Variants in RABEP1 observed in about 807,000 individuals in gnomAD.
The protein encoded by RABEP1 is rab GTPase-binding effector protein 1.
A neutral mutation model predicts 123.4 loss-of-function variants in RABEP1; 51 were observed. That is an observed-to-expected ratio of 0.41 (90% CI 0.33 to 0.52). The LOEUF (loss-of-function observed/expected upper bound fraction) is 0.52. Ranked by LOEUF, RABEP1 falls within the 20% of genes least tolerant of loss-of-function variation. The pLI, the probability that RABEP1 is intolerant of heterozygous loss-of-function variation, is 0.16. For synonymous variants in RABEP1, 347 were observed against 355.2 expected (o/e 0.98, Z 0.26); for missense variants, 888 against 996.3 (o/e 0.89, Z 1.46).
intron 1 of RABEP1, among the ~76,000 whole-genome samples, chr17:5,297,720 A>G (rs1447392829): frequency 6.6e-6 from 1 of 152,220 alleles, no homozygotes; most frequent in Non-Finnish European, 1.5e-5. Context: ...CTACAAAGCT[A>G]GAAGATAGTC....
At chr17:5,282,653 G>A in intron 1 of RABEP1, 133 bp downstream of exon 1, 1 of 511,622 alleles carries the variant, frequency 2.0e-6, no homozygotes. Flanking sequence ...GGCGGAGGCG[G>A]GGGCGCGCGG....
chr17:5,372,554 C>T (rs760452309), intron 12 of RABEP1, among the ~76,000 whole-genome samples: 11 of 152,152 alleles, frequency 7.2e-5, no homozygotes, highest in South Asian at 2.1e-4. Flanking sequence ...ACAGTGATTC[C>T]GAGCCTAAAC....
At chr17:5,320,762 A>G (rs1300979779) in intron 2 of RABEP1, among the ~76,000 whole-genome samples, 3 of 152,222 alleles carry the variant, frequency 2.0e-5, no homozygotes, top group Non-Finnish European at 4.4e-5. Flanking sequence ...ACACAAAACA[A>G]AAACCTATAA....
chr17:5,291,685 A>G (rs569675738), intron 1 of RABEP1, among the ~76,000 whole-genome samples: 7 of 152,082 alleles, frequency 4.6e-5, no homozygotes, highest in Admixed American at 3.3e-4. Context: ...AGGTAGGTGG[A>G]TCACTTGGGT....
intron 9 of RABEP1, among the ~76,000 whole-genome samples, chr17:5,362,440 C>G (rs1402554888): frequency 6.6e-6 from 1 of 152,076 alleles, no homozygotes; most frequent in East Asian, 1.9e-4. Context: ...AGGAAGCCAC[C>G]GGTCAGTAAG....
At chr17:5,372,691 T>C (rs758321797) in intron 12 of RABEP1, among the ~76,000 whole-genome samples, 6 of 152,218 alleles carry the variant, frequency 3.9e-5, no homozygotes, top group African/African-American at 7.2e-5. Flanking sequence ...CTTGATGGTG[T>C]CAGCCACTTC....
rs528872574 is a variant in RABEP1 at position 5,372,399 on chromosome 17, C to T, written c.1885-915C>T. On this transcript the variant is annotated intron_variant, in intron 12 of 17. Transcript: ENST00000537505. The stretch of plus-strand genomic sequence containing the variant: ...TCGGGAGGTGGAGGTTGCAGTGAGC[C>T]GAGATCACACCACTGCATTCCAGCC... Among the ~76,000 whole-genome samples, 10 of 151,772 alleles carry T rather than the reference C, an allele frequency of 6.6e-5. 1 individual carries two copies. The highest frequency in any genetic ancestry group is 1.4e-4 in the African/African-American group (6 of 41,382).
chr17:5,362,454 A>G (rs1363606143), intron 9 of RABEP1, among the ~76,000 whole-genome samples: 1 of 152,220 alleles, frequency 6.6e-6, no homozygotes. Flanking sequence ...CAGTAAGTGG[A>G]ACAGCTTACT....
chr17:5,373,174 T>G (rs1415923773), intron 12 of RABEP1, 140 bp from the exon 13 acceptor site: 12 of 657,310 alleles, frequency 1.8e-5, no homozygotes, highest in Non-Finnish European at 2.6e-5. Context: ...TCTGTGCAGC[T>G]TTTTCTAAGT....
chr17:5,298,877 G>C lies in RABEP1; in HGVS notation c.35-9817G>C, dbSNP rs542349762. Among the ~76,000 whole-genome samples, 4 of 151,740 alleles carry C rather than the reference G, an allele frequency of 2.6e-5. No individual in the cohort carries two copies. The South Asian group carries it at 6.2e-4, about 24-fold the overall frequency. On this transcript the variant is annotated intron_variant, in intron 1 of 17. Coordinates refer to ENST00000537505, the MANE Select transcript of RABEP1 (RefSeq NM_004703.6). ...TCACCGTGTTAGCCAGGATGGTCTC[G>C]ATCTCCTGACCTCGTGATCCGCCCG...
chr17:5,358,659 A>G (rs1909234116), intron 8 of RABEP1, among the ~76,000 whole-genome samples: 1 of 150,428 alleles, frequency 6.6e-6, no homozygotes. Context: ...TGACAGAGCG[A>G]GACTGTCTCC....
chr17:5,346,618 T>A (rs1282348886), intron 5 of RABEP1, among the ~76,000 whole-genome samples, 172 bp from the exon 6 acceptor site: 2 of 152,216 alleles, frequency 1.3e-5, no homozygotes, highest in African/African-American at 2.4e-5. Context: ...TAAGTTATTT[T>A]CCCAGTTTTC....
At chr17:5,375,314 ACTT>A (rs1567553358) in intron 13 of RABEP1, among the ~76,000 whole-genome samples, 1 of 151,592 alleles carries the variant, frequency 6.6e-6, no homozygotes, top group Non-Finnish European at 1.5e-5. Context: ...CCTTTCCCCA[ACTT>A]CTTATCGTCT....
At chr17:5,347,079 C>G (rs1908125512) in intron 6 of RABEP1, among the ~76,000 whole-genome samples, 154 bp downstream of exon 6, 1 of 152,168 alleles carries the variant, frequency 6.6e-6, no homozygotes, top group Non-Finnish European at 1.5e-5. Context: ...TCATGCAAAG[C>G]TGAAATTATG....
At chr17:5,377,346 A>G in intron 14 of RABEP1, 41 bp downstream of exon 14, 1 of 1,505,930 alleles carries the variant, frequency 6.6e-7, no homozygotes, top group Non-Finnish European at 8.9e-7. Context: ...AGAGTCACTA[A>G]ATAAAACTTT....
chr17:5,333,062 G>C (rs1033935668), intron 3 of RABEP1, among the ~76,000 whole-genome samples: 1 of 152,148 alleles, frequency 6.6e-6, no homozygotes, highest in African/African-American at 2.4e-5. Context: ...ACTCCTTTTG[G>C]CACTAGTGCT....
At chr17:5,345,692 A>C (rs1908009548) in intron 5 of RABEP1, among the ~76,000 whole-genome samples, 1 of 152,190 alleles carries the variant, frequency 6.6e-6, no homozygotes, top group South Asian at 2.1e-4. Context: ...GTCAACCTTC[A>C]GTGAAGCATC....
rs1277635173 is a variant in RABEP1, at chr17:5,361,030, G to A, written c.1096-178G>A. ...ATCTTGCTCACAGTTGTATCCTGAGGGCCTGGTTTTGTGTCCAGCATGTAG... is the reference window on the plus strand; with the variant it reads ...ATCTTGCTCACAGTTGTATCCTGAGAGCCTGGTTTTGTGTCCAGCATGTAG... On this transcript the variant is annotated intron_variant, in intron 8 of 17. Coordinates refer to ENST00000537505, the MANE Select transcript of RABEP1 (RefSeq NM_004703.6). The A allele has an allele frequency of 4.8e-6, 3 of 618,924 alleles. No individual in the cohort carries two copies. In the East Asian group the frequency reaches 8.3e-5, roughly 17 times the overall value. 38.3% of individuals were successfully genotyped at this position (618,924 alleles called of 1,614,324 possible). A position where few individuals can be genotyped will look rare whatever the true frequency, so the allele number is the denominator to read the frequency against.
At position 5,338,080 on chromosome 17, in the gene RABEP1, C is replaced by T; in HGVS notation, c.590C>T (p.Ala197Val). ...VVMPMEKEIAALKDKLTEAED... is the reference protein window; with the variant it reads ...VVMPMEKEIAVLKDKLTEAED... ...ATGCCAATGGAAAAGGAAATTGCAG[C>T]TTTGAAGGATAAACTGACAGAGGCT... is the stretch of plus-strand genomic sequence containing the variant. The change falls in exon 5 of 18, where the codon GCT (alanine) becomes GTT (valine). Residue 197 changes from alanine to valine, a missense_variant. Physicochemically the swap from Ala to Val is moderately conservative, Grantham distance 64 (BLOSUM62 0). Transcript: ENST00000537505. 2 of 1,613,416 alleles carry T rather than the reference C, an allele frequency of 1.2e-6. No homozygotes were observed. Among genetic ancestry groups the T allele is most frequent in the Non-Finnish European group, 1.7e-6 (2 of 1,179,502 alleles).
Sources: gnomAD v4.1 joint callset for allele counts (sites outside exome capture counted in the v4.1 genomes callset) on GRCh38, gnomAD v4.1.1 for gene constraint, MANE v1.5 for transcripts, NCBI Gene and HGNC (gene_info 2026-07-23, HGNC 2026-07-21) for gene names.